PDE1A: variants seen among roughly 807,000 people sequenced by gnomAD.
PDE1A encodes the protein phosphodiesterase 1A, also known as dual specificity calcium/calmodulin-dependent 3',5'-cyclic nucleotide phosphodiesterase 1A.
In PDE1A, 35 loss-of-function variants were observed where a neutral mutation model predicts 61.7. The ratio of observed to expected loss-of-function variants is 0.57; its 90% CI spans 0.43 to 0.75. PDE1A has a LOEUF of 0.75. Ranked by LOEUF, PDE1A falls within the 30% of genes least tolerant of loss-of-function variation. PDE1A has a pLI of 0.00. For synonymous variants in PDE1A, 232 were observed against 213.2 expected (o/e 1.09, Z -0.77); for missense variants, 597 against 630.6 (o/e 0.95, Z 0.57).
intron 7 of PDE1A, among the ~76,000 whole-genome samples, chr2:182,208,541 A>G (rs1329812867): frequency 6.6e-6 from 1 of 152,206 alleles, no homozygotes; most frequent in Non-Finnish European, 1.5e-5. Context: ...GCCAAACCAT[A>G]TCAGCCACTG....
At chr2:182,414,750 C>A (rs552426826) in intron 1 of PDE1A, among the ~76,000 whole-genome samples, 1 of 152,152 alleles carries the variant, frequency 6.6e-6, no homozygotes, top group East Asian at 1.9e-4. Context: ...GATGAGTGAG[C>A]TAAATTCCAA....
intron 1 of PDE1A, among the ~76,000 whole-genome samples, chr2:182,366,264 T>C (rs1300779306): frequency 1.3e-5 from 2 of 152,090 alleles, no homozygotes; most frequent in Non-Finnish European, 2.9e-5. Context: ...TAAGATCCAC[T>C]GTAATAAATG....
downstream of PDE1A, among the ~76,000 whole-genome samples, chr2:182,162,904 T>C (rs1030429525): frequency 2.6e-5 from 4 of 152,152 alleles, no homozygotes; most frequent in African/African-American, 9.7e-5. Flanking sequence ...CCCACATTGG[T>C]TCCCTAACTA....
the PDE1A span, among the ~76,000 whole-genome samples, chr2:182,561,663 C>T: frequency 1.6e-4 from 24 of 152,174 alleles, no homozygotes; most frequent in East Asian, 3.9e-4. Flanking sequence ...GCCATTTTCA[C>T]GATATTGATT....
At chr2:182,214,024 T>A (rs1687919663) in intron 7 of PDE1A, among the ~76,000 whole-genome samples, 1 of 139,722 alleles carries the variant, frequency 7.2e-6, no homozygotes, top group Admixed American at 7.3e-5. Flanking sequence ...GAGAGAAAGG[T>A]CGGGTTACCC....
intron 7 of PDE1A, among the ~76,000 whole-genome samples, chr2:182,206,439 T>A (rs900378164): frequency 1.3e-4 from 20 of 152,194 alleles, no homozygotes; most frequent in African/African-American, 4.8e-4. Context: ...ACATTAGGCT[T>A]CACTCTTGGT....
the PDE1A span, among the ~76,000 whole-genome samples, chr2:182,566,114 T>C: frequency 0.05 from 7,609 of 152,162 alleles, 250 homozygotes; most frequent in Middle Eastern, 0.096. Flanking sequence ...TTGACATTCT[T>C]ATTCTAATTC....
chr2:182,696,499 C>T, the PDE1A span, among the ~76,000 whole-genome samples: 3 of 152,116 alleles, frequency 2.0e-5, no homozygotes, highest in African/African-American at 4.8e-5. Context: ...AGGCAGAGTG[C>T]GGAGGATGTT....
the PDE1A span, among the ~76,000 whole-genome samples, chr2:182,658,365 T>C: frequency 1.3e-5 from 2 of 152,238 alleles, no homozygotes; most frequent in Non-Finnish European, 2.9e-5. Context: ...TATTTTTCTG[T>C]GTGCACCTTT....
At chr2:182,304,314 C>CTT (rs1695440701) in intron 1 of PDE1A, among the ~76,000 whole-genome samples, 1 of 152,160 alleles carries the variant, frequency 6.6e-6, no homozygotes, top group Non-Finnish European at 1.5e-5. Flanking sequence ...TAGGCTTTGG[C>CTT]TTAAGGGAAT....
chr2:182,400,644 C>T (rs959625416), intron 1 of PDE1A, among the ~76,000 whole-genome samples: 3 of 152,050 alleles, frequency 2.0e-5, no homozygotes, highest in Non-Finnish European at 4.4e-5. Context: ...CATTTTCATT[C>T]AAAGGAGCCA....
upstream of PDE1A, among the ~76,000 whole-genome samples, chr2:182,430,264 AAAAC>A: frequency 7.3e-6 from 1 of 137,728 alleles, no homozygotes; most frequent in Non-Finnish European, 1.5e-5. Context: ...TTACAAGAAA[AAAAC>A]AAACAACCCC....
intron 1 of PDE1A, among the ~76,000 whole-genome samples, chr2:182,319,325 T>C (rs561744961): frequency 5.4e-4 from 82 of 152,168 alleles, no homozygotes; most frequent in Non-Finnish European, 8.2e-4. Flanking sequence ...TGATGAAATT[T>C]ATAGGGAACA....
the PDE1A span, among the ~76,000 whole-genome samples, chr2:182,655,879 A>G: frequency 6.6e-6 from 1 of 152,164 alleles, no homozygotes; most frequent in Non-Finnish European, 1.5e-5. Context: ...CTCCTTTGCA[A>G]CTTGACCACT....
intron 1 of PDE1A, among the ~76,000 whole-genome samples, chr2:182,379,258 T>C (rs1334489879): frequency 6.6e-6 from 1 of 152,246 alleles, no homozygotes; most frequent in Non-Finnish European, 1.5e-5. Context: ...AAAATGGATT[T>C]AGCAAAGCAA....
At chr2:182,147,220 G>A (rs1395583700) in intron 13 of PDE1A, 68 bp from the exon 14 acceptor site, 2 of 825,302 alleles carry the variant, frequency 2.4e-6, no homozygotes, top group Non-Finnish European at 3.9e-6. Context: ...AATAAGGTTA[G>A]GAGACTGAAG....
At chr2:182,447,521 G>T (rs942064333) in intron 2 of PDE1A, among the ~76,000 whole-genome samples, 5 of 152,036 alleles carry the variant, frequency 3.3e-5, no homozygotes, top group African/African-American at 7.2e-5. Flanking sequence ...AACAAGTAAA[G>T]GTCCTCACAC....
At chr2:182,408,270 A>C (rs1218082250) in intron 1 of PDE1A, among the ~76,000 whole-genome samples, 1 of 151,322 alleles carries the variant, frequency 6.6e-6, no homozygotes, top group African/African-American at 2.4e-5. Context: ...TGGAAATGAC[A>C]TACCTGGACT....
At chr2:182,293,033 C>G (rs1311005771) in intron 1 of PDE1A, among the ~76,000 whole-genome samples, 1 of 151,982 alleles carries the variant, frequency 6.6e-6, no homozygotes, top group East Asian at 1.9e-4. Flanking sequence ...CTTGAGTGTA[C>G]AGTTCAATGA....
Sources: allele counts gnomAD v4.1 joint callset (sites outside exome capture counted in the v4.1 genomes callset), GRCh38; gene constraint gnomAD v4.1.1; transcripts MANE v1.5; gene names NCBI Gene and HGNC (gene_info 2026-07-23, HGNC 2026-07-21).